ELF2: variants seen among roughly 807,000 people sequenced by gnomAD.
The protein encoded by ELF2 is E74 like ETS transcription factor 2.
Under a neutral mutation model 54.8 loss-of-function variants are expected in ELF2, and 11 were observed. That is an observed-to-expected ratio of 0.20 (90% CI 0.13 to 0.33). The LOEUF (loss-of-function observed/expected upper bound fraction) is 0.33, where lower values mean the gene tolerates loss of function less well. ELF2 is among the 10% of genes least tolerant of loss of function. The pLI is 1.00. For missense variants in ELF2, 513 were observed against 703.0 expected (o/e 0.73, Z 3.06); for synonymous variants, 203 against 245.1 (o/e 0.83, Z 1.61).
chr4:139,092,414 T>TAACATAACATAACAAAACAAACATA (rs70940488), intron 4 of ELF2, among the ~76,000 whole-genome samples: 1 of 87,762 alleles, frequency 1.1e-5, no homozygotes, highest in Admixed American at 1.3e-4. Context: ...TAACATAACA[T>TAACATAACATAACAAAACAAACATA]ACATAACATA....
intron 4 of ELF2, among the ~76,000 whole-genome samples, chr4:139,096,351 C>A (rs535084258): frequency 6.6e-6 from 1 of 151,954 alleles, no homozygotes; most frequent in East Asian, 1.9e-4. Context: ...AATACTTCCA[C>A]GTTATAATGG....
At chr4:139,158,038 C>T (rs1472886877) in intron 1 of ELF2, among the ~76,000 whole-genome samples, 1 of 152,184 alleles carries the variant, frequency 6.6e-6, no homozygotes, top group East Asian at 1.9e-4. Context: ...CTGTTTATTT[C>T]ACCTGGGTGC....
chr4:139,150,740 T>C (rs1345928130), intron 1 of ELF2, among the ~76,000 whole-genome samples: 1 of 151,800 alleles, frequency 6.6e-6, no homozygotes, highest in East Asian at 1.9e-4. Context: ...AAAAGAGAGC[T>C]AGCTGGGTGT....
At position 139,061,785 on chromosome 4, in the gene ELF2, C is replaced by T. The variant is rs1727897122; in HGVS notation, c.806+80G>A. ...AAAGTTAAAAGTTGTAAAGGATTTTCAGCTTCTCTTTAAACAGCTAATAGA... is the reference window on the plus strand; with the variant it reads ...AAAGTTAAAAGTTGTAAAGGATTTTTAGCTTCTCTTTAAACAGCTAATAGA... On this transcript the variant is annotated intron_variant, in intron 8 of 9. Coordinates refer to ENST00000686138, the MANE Select transcript of ELF2 (RefSeq NM_001331036.3). 3 of 1,495,658 alleles carry T rather than the reference C, an allele frequency of 2.0e-6. 1 individual carries two copies. In the South Asian group the frequency reaches 3.9e-5, roughly 20 times the overall value. The allele number at this position is 1,495,658 out of a possible 1,614,324, so 92.6% of individuals were successfully genotyped here.
intron 4 of ELF2, among the ~76,000 whole-genome samples, chr4:139,119,648 G>C (rs771556664): frequency 1.3e-5 from 2 of 152,142 alleles, no homozygotes; most frequent in East Asian, 1.9e-4. Context: ...TGTCTCTTAC[G>C]GGTACCTTAT....
intron 1 of ELF2, among the ~76,000 whole-genome samples, chr4:139,159,109 G>T (rs1740840773): frequency 6.6e-6 from 1 of 152,146 alleles, no homozygotes; most frequent in South Asian, 2.1e-4. Flanking sequence ...TGTGGGAAAG[G>T]TCTCTATCCA....
At chr4:139,100,003 C>A (rs916129934) in intron 4 of ELF2, among the ~76,000 whole-genome samples, 5 of 152,084 alleles carry the variant, frequency 3.3e-5, no homozygotes, top group African/African-American at 9.7e-5. Flanking sequence ...CTGTGGAGGT[C>A]AAGAGTTTGG....
intron 1 of ELF2, among the ~76,000 whole-genome samples, chr4:139,145,045 T>G (rs1341621749): frequency 6.6e-6 from 1 of 152,228 alleles, no homozygotes; most frequent in Non-Finnish European, 1.5e-5. Context: ...GGCACTCTTT[T>G]GCAAGCACCA....
chr4:139,092,427 ATAACAT>A (rs1560800968), intron 4 of ELF2, among the ~76,000 whole-genome samples: 18 of 143,718 alleles, frequency 1.3e-4, no homozygotes, highest in Non-Finnish European at 2.0e-4. Context: ...ATAACATAAC[ATAACAT>A]AACATAACAT....
chr4:139,139,429 A>G lies in ELF2; in HGVS notation c.-183T>C. 8.1e-7 allele frequency: 1 copy of G among 1,229,442 alleles called. No homozygotes were observed. Among genetic ancestry groups the G allele is most frequent in the Non-Finnish European group, 1.0e-6 (1 of 986,406 alleles). The allele number at this position is 1,229,442 out of a possible 1,614,324, so 76.2% of individuals were successfully genotyped here. ...TTTACTTACAGTTTGTATGTTAAGT[A>G]GTCTAAGCATCCTTCACTATTTTCA... On this transcript the variant is annotated 5_prime_UTR_variant, in exon 2 of 10. Transcript: ENST00000686138.
intron 4 of ELF2, among the ~76,000 whole-genome samples, chr4:139,121,316 G>C (rs528568424): frequency 2.2e-4 from 34 of 151,290 alleles, no homozygotes; most frequent in Middle Eastern, 3.4e-3. Context: ...CACCGTGTTA[G>C]CCAGGATGGT....
chr4:139,172,900 G>C (rs1351055982), intron 1 of ELF2, among the ~76,000 whole-genome samples: 1 of 89,998 alleles, frequency 1.1e-5, no homozygotes, highest in African/African-American at 3.9e-5. Context: ...GGGGGGGGGG[G>C]GGGGGCTATC....
intron 2 of ELF2, among the ~76,000 whole-genome samples, chr4:139,138,623 C>G (rs753725088): frequency 4.6e-5 from 7 of 152,144 alleles, no homozygotes; most frequent in Non-Finnish European, 7.3e-5. Flanking sequence ...TTTGCCTCAT[C>G]TGGTTTGTCT....
intron 4 of ELF2, among the ~76,000 whole-genome samples, chr4:139,121,006 A>C (rs1736252789): frequency 6.6e-6 from 1 of 151,790 alleles, no homozygotes; most frequent in African/African-American, 2.4e-5. Context: ...AATCCTGTAA[A>C]TTGAACTTCC....
chr4:139,073,528 T>C lies in ELF2; in HGVS notation c.278A>G (p.Asp93Gly), dbSNP rs1025330786. 1.9e-6 allele frequency: 3 copies of C among 1,608,726 alleles called. No individual in the cohort carries two copies. The highest frequency in any genetic ancestry group is 2.5e-6 in the Non-Finnish European group (3 of 1,176,494). ...SVHSSNAHCT[D>G]KTIEAAEALL... is the part of the protein sequence containing the mutation. ...GGCTTCAGCAGCTTCAATTGTCTTA[T>C]CTGTACAGTGTGCATTACTGCTGTG... The change falls in exon 5 of 10, where the codon GAT becomes GGT. Residue 93 changes from aspartate to glycine, a missense_variant. Coordinates refer to ENST00000686138, the MANE Select transcript of ELF2 (RefSeq NM_001331036.3).
intron 4 of ELF2, chr4:139,073,770 T>A: frequency 3.4e-6 from 1 of 295,928 alleles, no homozygotes; most frequent in Non-Finnish European, 6.1e-6. Flanking sequence ...TATCTACATT[T>A]TATAAAATGA....
At chr4:139,086,827 TTTATAA>T (rs1322123471) in intron 4 of ELF2, among the ~76,000 whole-genome samples, 1 of 152,206 alleles carries the variant, frequency 6.6e-6, no homozygotes, top group South Asian at 2.1e-4. Flanking sequence ...TGTTAAATTA[TTTATAA>T]TTATAAAAGC....
Position 139,071,807 on chromosome 4 carries a change from G to GA in ELF2, c.526+58dup, listed in dbSNP as rs912734543. On this transcript the variant is annotated intron_variant, in intron 6 of 9. Transcript: ENST00000686138. ...ACTACTTTCTATGTCCCTTGATGAG[G>GA]AAAAAGATAAGAGAAAAATTTTCAC... 3 of 1,497,706 alleles carry GA rather than the reference G, an allele frequency of 2.0e-6. No individual in the cohort carries two copies. In the Admixed American group the frequency reaches 7.0e-5, roughly 35 times the overall value. 92.8% of individuals were successfully genotyped at this position (1,497,706 alleles called of 1,614,324 possible).
intron 4 of ELF2, among the ~76,000 whole-genome samples, chr4:139,121,612 C>T (rs2148829161): frequency 6.6e-6 from 1 of 152,210 alleles, no homozygotes; most frequent in Non-Finnish European, 1.5e-5. Flanking sequence ...CCCTCATTCA[C>T]CATACCAGTC....
Sources: allele counts gnomAD v4.1 joint callset (sites outside exome capture counted in the v4.1 genomes callset), GRCh38; gene constraint gnomAD v4.1.1; transcripts MANE v1.5; gene names NCBI Gene and HGNC (gene_info 2026-07-23, HGNC 2026-07-21).